Variants in PARVG observed in about 807,000 individuals in gnomAD.
PARVG encodes the protein gamma-parvin.
PARVG carries 36 observed loss-of-function variants against 44.4 expected under a neutral mutation model. The ratio of observed to expected loss-of-function variants is 0.81; its 90% CI spans 0.62 to 1.07. The LOEUF (loss-of-function observed/expected upper bound fraction) is 1.07, where lower values mean the gene tolerates loss of function less well. Ranked by LOEUF, PARVG falls within the 50% of genes least tolerant of loss-of-function variation. The pLI, the probability that PARVG is intolerant of heterozygous loss-of-function variation, is 0.00. For missense variants in PARVG, 407 were observed against 407.4 expected (o/e 1.00, Z 0.01); for synonymous variants, 170 against 174.1 (o/e 0.98, Z 0.19).
In PARVG at chr22:44,207,822, C is replaced by T. The variant is rs1471745363; in HGVS notation, c.*1396C>T. 6.6e-6 allele frequency: 1 copy of T among 152,342 alleles called. No homozygotes were observed. The highest frequency in any genetic ancestry group is 2.4e-5 in the African/African-American group (1 of 41,428). 9.4% of individuals were successfully genotyped at this position (152,342 alleles called of 1,614,324 possible). ...CCTGCCCTTCTCAGCTCCCAATTCA[C>T]AGGGCAAACCCAAGCCCATAAGCGT... On this transcript the variant is annotated 3_prime_UTR_variant, in exon 14 of 14. Transcript: ENST00000444313.
chr22:44,192,012 T>C, intron 7 of PARVG, 37 bp from the exon 8 acceptor site: 1 of 1,610,750 alleles, frequency 6.2e-7, no homozygotes, highest in Non-Finnish European at 8.5e-7. Context: ...CAGAGTTTTC[T>C]GGATTATTTA....
At chr22:44,183,287 C>A in intron 2 of PARVG, 31 bp from the exon 3 acceptor site, 2 of 1,567,806 alleles carry the variant, frequency 1.3e-6, no homozygotes, top group Non-Finnish European at 1.7e-6. Context: ...CTTCTCAGAC[C>A]GTGACGCCCT....
intron 1 of PARVG, among the ~76,000 whole-genome samples, chr22:44,175,829 G>C (rs1326533891): frequency 6.6e-6 from 1 of 152,180 alleles, no homozygotes; most frequent in Non-Finnish European, 1.5e-5. Context: ...GCATAGAGGC[G>C]GGTAAGGAGG....
intron 12 of PARVG, among the ~76,000 whole-genome samples, chr22:44,203,792 GGTCTGGACA>G (rs906774941): frequency 1.6e-4 from 25 of 152,340 alleles, no homozygotes; most frequent in African/African-American, 6.0e-4. Flanking sequence ...CATCCATCTT[GGTCTGGACA>G]GTCTCAGAGT....
At position 44,185,603 on chromosome 22, in the gene PARVG, A is replaced by C. The variant is rs188076196; in HGVS notation, c.80-205A>C. ...TCAAGTAATCAAGAAATAACTTCCG[A>C]GTTTATGTCTCAAAGTATAAATGCT... is the stretch of plus-strand genomic sequence containing the variant. On this transcript the variant is annotated intron_variant, in intron 3 of 13. Coordinates refer to ENST00000444313, the MANE Select transcript of PARVG (RefSeq NM_022141.7). 441 of 491,534 alleles carry C rather than the reference A, an allele frequency of 9.0e-4. 2 individuals carry two copies. The highest frequency in any genetic ancestry group is 2.5e-3 in the African/African-American group (128 of 51,498). 30.4% of individuals were successfully genotyped at this position (491,534 alleles called of 1,614,324 possible).
intron 5 of PARVG, chr22:44,188,098 C>T (rs761451575): frequency 8.5e-5 from 50 of 590,202 alleles, no homozygotes; most frequent in South Asian, 6.9e-4. Flanking sequence ...GGGGCTCTGA[C>T]GCCAGGGTTG....
chr22:44,207,997 TC>T lies in PARVG; in HGVS notation c.*1573del, dbSNP rs1190445334. On this transcript the variant is annotated 3_prime_UTR_variant, in exon 14 of 14. Transcript: ENST00000444313. ...GTGCCCCCTCCATTGCGATGCCCCCTCCAGCACCTCAAATCCTCTCCTGGAG... is the reference window on the plus strand; with the variant it reads ...GTGCCCCCTCCATTGCGATGCCCCCTCAGCACCTCAAATCCTCTCCTGGAG... The T allele has an allele frequency of 6.6e-6, 1 of 152,314 alleles. No homozygotes were observed. The highest frequency in any genetic ancestry group is 1.5e-5 in the Non-Finnish European group (1 of 68,240). The allele number at this position is 152,314 out of a possible 1,614,324, so 9.4% of individuals were successfully genotyped here. A position where few individuals can be genotyped will look rare whatever the true frequency, so the allele number is the denominator to read the frequency against.
chr22:44,195,644 G>T (rs1281711459), intron 9 of PARVG, among the ~76,000 whole-genome samples: 1 of 152,172 alleles, frequency 6.6e-6, no homozygotes, highest in Non-Finnish European at 1.5e-5. Context: ...TTGGGGGCGG[G>T]GGGAGGCAGC....
At chr22:44,174,736 A>G (rs1375048276) in intron 1 of PARVG, among the ~76,000 whole-genome samples, 4 of 151,860 alleles carry the variant, frequency 2.6e-5, no homozygotes, top group Non-Finnish European at 5.9e-5. Context: ...ACTCTGCCTC[A>G]AAAACAAAAA....
chr22:44,205,091 G>A (rs1474080854), intron 12 of PARVG, among the ~76,000 whole-genome samples: 2 of 152,220 alleles, frequency 1.3e-5, no homozygotes, highest in African/African-American at 2.4e-5. Flanking sequence ...ATGCCCGGGC[G>A]CTCTCCACCC....
In PARVG at chr22:44,182,386, C is replaced by A. The variant is rs1234674184; in HGVS notation, c.-13+469C>A. On this transcript the variant is annotated intron_variant, in intron 2 of 13. Transcript: ENST00000444313. This position sits in a 1 kb window ranked among gnomAD's most constrained non-coding sequence, Gnocchi z 4.6. ...GCTCTTTCGTTTTCTCTGGCCATGGCCCTCAGCTTGGATATTAAGGGGCTG... is the reference window on the plus strand; with the variant it reads ...GCTCTTTCGTTTTCTCTGGCCATGGACCTCAGCTTGGATATTAAGGGGCTG... Among the ~76,000 whole-genome samples the A allele has an allele frequency of 1.3e-5, 2 of 152,184 alleles. No homozygotes were observed. Among genetic ancestry groups the A allele is most frequent in the Non-Finnish European group, 2.9e-5 (2 of 68,034 alleles).
At chr22:44,191,274 C>A (rs934021040) in intron 7 of PARVG, among the ~76,000 whole-genome samples, 1 of 152,130 alleles carries the variant, frequency 6.6e-6, no homozygotes, top group African/African-American at 2.4e-5. Flanking sequence ...ACCGCCCCCA[C>A]CCCACCCCAG....
At chr22:44,183,937 C>T (rs1368117758) in intron 3 of PARVG, 1 of 280,636 alleles carries the variant, frequency 3.6e-6, no homozygotes, top group Non-Finnish European at 6.6e-6. Flanking sequence ...GTGCTCCCCT[C>T]ACACGTGTGG....
intron 12 of PARVG, among the ~76,000 whole-genome samples, chr22:44,200,376 T>C (rs1300978278): frequency 6.6e-6 from 1 of 152,180 alleles, no homozygotes; most frequent in African/African-American, 2.4e-5. Context: ...TCTCTGAAAA[T>C]GGGCTGACAA....
chr22:44,189,652 C>T (rs1183407082), intron 6 of PARVG, among the ~76,000 whole-genome samples: 2 of 152,208 alleles, frequency 1.3e-5, no homozygotes, highest in East Asian at 3.8e-4. Flanking sequence ...TGTGGTGTCT[C>T]ACACCTGTAA....
chr22:44,183,066 C>T, intron 2 of PARVG: 1 of 494,932 alleles, frequency 2.0e-6, no homozygotes, highest in South Asian at 2.7e-5. Context: ...GGACCACTTC[C>T]TCCGCCAAGC....
At chr22:44,181,357 A>G in intron 1 of PARVG, 172 bp downstream of exon 1, 1 of 985,462 alleles carries the variant, frequency 1.0e-6, no homozygotes, top group Non-Finnish European at 1.2e-6. Flanking sequence ...GGAAGTCTGC[A>G]GCCGAGAGTC....
chr22:44,205,284 T>A (rs2054764970), intron 12 of PARVG, among the ~76,000 whole-genome samples: 1 of 152,230 alleles, frequency 6.6e-6, no homozygotes, highest in Admixed American at 6.5e-5. Context: ...AGCCTTGATT[T>A]CCTCACTGTG....
chr22:44,192,264 C>A, intron 8 of PARVG, 160 bp downstream of exon 8: 1 of 757,886 alleles, frequency 1.3e-6, no homozygotes, highest in Non-Finnish European at 2.1e-6. Flanking sequence ...CCTCTCAATC[C>A]CACGGCAGCA....
Sources: allele counts gnomAD v4.1 joint callset (sites outside exome capture counted in the v4.1 genomes callset), GRCh38; gene constraint gnomAD v4.1.1; non-coding constraint Gnocchi (gnomAD v3.1); transcripts MANE v1.5; gene names NCBI Gene and HGNC (gene_info 2026-07-23, HGNC 2026-07-21).